Variants in CHST11 observed in about 807,000 individuals in gnomAD.
CHST11 encodes C4S-1.
CHST11 carries 9 observed loss-of-function variants against 30.4 expected under a neutral mutation model. That is an observed-to-expected ratio of 0.30 (90% CI 0.18 to 0.52). The LOEUF (loss-of-function observed/expected upper bound fraction) is 0.52, where lower values mean the gene tolerates loss of function less well. CHST11 is among the 20% of genes least tolerant of loss of function. The pLI, the probability that CHST11 is intolerant of heterozygous loss-of-function variation, is 0.97. For missense variants in CHST11, 348 were observed against 460.6 expected (o/e 0.76, Z 2.24); for synonymous variants, 152 against 187.8 (o/e 0.81, Z 1.56).
intron 2 of CHST11, among the ~76,000 whole-genome samples, chr12:104,622,659 C>A (rs1485613149): frequency 2.0e-5 from 3 of 152,174 alleles, no homozygotes. Flanking sequence ...AGAGCAGACA[C>A]CCCTGCCAGG....
At chr12:104,476,570 C>T (rs1000790342) in intron 1 of CHST11, among the ~76,000 whole-genome samples, 11 of 151,826 alleles carry the variant, frequency 7.2e-5, no homozygotes, top group African/African-American at 2.7e-4. Context: ...AAAAAAATGC[C>T]GTTTTTTTTG....
chr12:104,558,034 C>T (rs1466564586), intron 1 of CHST11, among the ~76,000 whole-genome samples: 1 of 152,022 alleles, frequency 6.6e-6, no homozygotes, highest in African/African-American at 2.4e-5. Context: ...CTCTGCTGTG[C>T]GGAGAGGACC....
At chr12:104,675,038 C>T (rs917688263) in intron 2 of CHST11, among the ~76,000 whole-genome samples, 4 of 152,152 alleles carry the variant, frequency 2.6e-5, no homozygotes, top group African/African-American at 9.7e-5. Context: ...CTGCGTAACT[C>T]TTAAGGTATA....
rs756402515 is a variant in CHST11 at position 104,467,082 on chromosome 12, A to T, written c.118+9553A>T. Among the ~76,000 whole-genome samples the T allele has an allele frequency of 8.3e-4, 127 of 152,342 alleles. 1 individual carries two copies. Among genetic ancestry groups the T allele is most frequent in the Non-Finnish European group, 5.1e-4 (35 of 68,026 alleles). ...TGAGGAATAGGATAGTTAAAAGTAG[A>T]TAATATAATCTGTAAATTTACTTAT... On this transcript the variant is annotated intron_variant, in intron 1 of 2. Transcript: ENST00000303694.
chr12:104,573,110 A>G (rs1041138988), intron 1 of CHST11, among the ~76,000 whole-genome samples: 2 of 152,234 alleles, frequency 1.3e-5, no homozygotes, highest in African/African-American at 4.8e-5. Context: ...CCCATTCACA[A>G]TTGCTTCAAA....
At chr12:104,467,831 C>T (rs145635696) in intron 1 of CHST11, among the ~76,000 whole-genome samples, 3 of 152,276 alleles carry the variant, frequency 2.0e-5, no homozygotes, top group Non-Finnish European at 2.9e-5. Context: ...CATTTCTTAA[C>T]GGTTGTCATA....
chr12:104,743,686 C>G (rs2040366327), intron 2 of CHST11, among the ~76,000 whole-genome samples: 1 of 152,080 alleles, frequency 6.6e-6, no homozygotes, highest in Admixed American at 6.5e-5. Flanking sequence ...TCATGGGGGT[C>G]TGTTGTACAG....
At chr12:104,543,569 C>T (rs2038305606) in intron 1 of CHST11, among the ~76,000 whole-genome samples, 1 of 152,160 alleles carries the variant, frequency 6.6e-6, no homozygotes, top group South Asian at 2.1e-4. Flanking sequence ...TCCTTCTCGT[C>T]CCTGGACTCG....
chr12:104,739,114 G>A lies in CHST11; in HGVS notation c.205-17835G>A, dbSNP rs576083309. Among the ~76,000 whole-genome samples the A allele has an allele frequency of 1.2e-4, 18 of 152,362 alleles. No individual in the cohort carries two copies. The East Asian group carries it at 2.3e-3, about 20-fold the overall frequency. On this transcript the variant is annotated intron_variant, in intron 2 of 2. Transcript: ENST00000303694. ...CAGTGGGAGGTTGGGAACCAACGCCGGTGTGTGCCAGAGGAGCCCGGGTAG... is the reference window on the plus strand; with the variant it reads ...CAGTGGGAGGTTGGGAACCAACGCCAGTGTGTGCCAGAGGAGCCCGGGTAG...
chr12:104,627,673 C>T lies in CHST11; in HGVS notation c.204+25682C>T, dbSNP rs537767824. On this transcript the variant is annotated intron_variant, in intron 2 of 2. Transcript: ENST00000303694. ...GAATGGAGCACTCCCAAGTATTTGA[C>T]GGGCTTCTTATTCTCTCCTTTTGGG... Among the ~76,000 whole-genome samples the T allele has an allele frequency of 5.3e-5, 8 of 152,326 alleles. No individual in the cohort carries two copies. The East Asian group carries it at 1.2e-3, about 22-fold the overall frequency.
At chr12:104,663,543 T>C (rs1289084138) in intron 2 of CHST11, among the ~76,000 whole-genome samples, 1 of 152,228 alleles carries the variant, frequency 6.6e-6, no homozygotes, top group Non-Finnish European at 1.5e-5. Context: ...GCTTATATTG[T>C]TTGGTAACCT....
In CHST11 at chr12:104,758,257, A is replaced by G; in HGVS notation, c.*454A>G. The G allele has an allele frequency of 6.4e-6, 1 of 156,874 alleles. No individual in the cohort carries two copies. The highest frequency in any genetic ancestry group is 1.9e-4 in the South Asian group (1 of 5,260). 9.7% of individuals were successfully genotyped at this position (156,874 alleles called of 1,614,324 possible). A position where few individuals can be genotyped will look rare whatever the true frequency, so the allele number is the denominator to read the frequency against. ...ACCTCTCATGGAGTCATGTGATAAC[A>G]GCCATTGTCATGTGTATGGATGCCA... On this transcript the variant is annotated 3_prime_UTR_variant, in exon 3 of 3. Coordinates refer to ENST00000303694, the MANE Select transcript of CHST11 (RefSeq NM_018413.6).
intron 2 of CHST11, among the ~76,000 whole-genome samples, chr12:104,631,254 T>G (rs1309957879): frequency 6.6e-6 from 1 of 152,200 alleles, no homozygotes; most frequent in Admixed American, 6.5e-5. Context: ...ATTGAAATCC[T>G]TTTCAGTGGG....
intron 1 of CHST11, among the ~76,000 whole-genome samples, chr12:104,516,930 CT>C (rs1395596874): frequency 1.3e-5 from 2 of 152,122 alleles, no homozygotes; most frequent in Non-Finnish European, 2.9e-5. Flanking sequence ...CAAAATGTTC[CT>C]GTTTGTTCTT....
At chr12:104,725,782 A>G (rs2040212256) in intron 2 of CHST11, among the ~76,000 whole-genome samples, 1 of 152,026 alleles carries the variant, frequency 6.6e-6, no homozygotes, top group Non-Finnish European at 1.5e-5. Flanking sequence ...GAGAGTGGGC[A>G]GTGGGTCTCA....
chr12:104,626,432 A>G (rs1435439092), intron 2 of CHST11, among the ~76,000 whole-genome samples: 1 of 152,176 alleles, frequency 6.6e-6, no homozygotes, highest in Non-Finnish European at 1.5e-5. Context: ...TAACCTTAAA[A>G]GCAGCATTCA....
chr12:104,550,563 C>T (rs7980620), intron 1 of CHST11, among the ~76,000 whole-genome samples: 13,526 of 152,214 alleles, frequency 0.089, 1,536 homozygotes, highest in African/African-American at 0.25. Flanking sequence ...CACCCAATAA[C>T]ACTGTTTACA....
rs150999736 is a variant in CHST11 at position 104,648,903 on chromosome 12, C to T, written c.204+46912C>T. On this transcript the variant is annotated intron_variant, in intron 2 of 2. Coordinates refer to ENST00000303694, the MANE Select transcript of CHST11 (RefSeq NM_018413.6). ...TGGCAACAGAGATGAGCCATTGTCA[C>T]CCTGAGGCCTGAAGAGCCGGGGTGA... Among the ~76,000 whole-genome samples the T allele has an allele frequency of 6.3e-3, 960 of 152,326 alleles. 5 individuals are homozygous for T. Among genetic ancestry groups the T allele is most frequent in the African/African-American group, 0.021 (891 of 41,576 alleles).
At chr12:104,717,215 A>G (rs999776230) in intron 2 of CHST11, among the ~76,000 whole-genome samples, 15 of 152,168 alleles carry the variant, frequency 9.9e-5, no homozygotes, top group African/African-American at 3.6e-4. Flanking sequence ...GCAGGTTAGG[A>G]TGTGGACATC....
Sources: allele counts gnomAD v4.1 joint callset (sites outside exome capture counted in the v4.1 genomes callset), GRCh38; gene constraint gnomAD v4.1.1; transcripts MANE v1.5; gene names NCBI Gene and HGNC (gene_info 2026-07-23, HGNC 2026-07-21).